ZFP1: variants seen among roughly 807,000 people sequenced by gnomAD.
The protein encoded by ZFP1 is ZFP1 zinc finger protein, also known as zinc finger protein 1 homolog.
A neutral mutation model predicts 38.5 loss-of-function variants in ZFP1; 32 were observed. The ratio of observed to expected loss-of-function variants is 0.83; its 90% CI spans 0.63 to 1.12. ZFP1 has a LOEUF of 1.12. ZFP1 is among the 50% of genes most tolerant of loss of function. ZFP1 has a pLI of 0.00. For missense variants in ZFP1, 616 were observed against 480.8 expected, an observed-to-expected ratio of 1.28 and a Z score of -2.63; for synonymous variants, 245 against 168.8, an observed-to-expected ratio of 1.45 and a Z score of -3.50.
At chr16:75,123,378 A>G in the ZFP1 span, among the ~76,000 whole-genome samples, 1 of 147,144 alleles carries the variant, frequency 6.8e-6, no homozygotes, top group African/African-American at 2.5e-5. Context: ...ATATATATAT[A>G]TATGTGTATA....
In ZFP1 at chr16:75,169,340, C is replaced by A. The variant is rs1339028963; in HGVS notation, c.230C>A (p.Thr77Asn). 1 of 1,613,994 alleles carries A rather than the reference C, an allele frequency of 6.2e-7. No individual in the cohort carries two copies. Among genetic ancestry groups the A allele is most frequent in the Non-Finnish European group, 8.5e-7 (1 of 1,180,010 alleles). ...CAATTTTTAATTCTTAAGAACCAAA[C>A]CCCAATTGAGGAAAGAGGCGATCTC... ...ARQFLILKNQ[T>N]PIEERGDLFG... Residue 77 changes from threonine to asparagine, a missense_variant, in exon 4 of 4, where the codon ACC (threonine) becomes AAC (asparagine). By Grantham distance (65) the Thr-to-Asn change is moderately conservative. Transcript: ENST00000570010.
upstream of ZFP1, among the ~76,000 whole-genome samples, chr16:75,146,318 A>G (rs2036943659): frequency 6.6e-6 from 1 of 152,052 alleles, no homozygotes; most frequent in Non-Finnish European, 1.5e-5. Context: ...GCCCGCCACC[A>G]CGCCCGGCTA....
At chr16:75,159,245 T>G (rs1322971577) in intron 2 of ZFP1, among the ~76,000 whole-genome samples, 1 of 150,214 alleles carries the variant, frequency 6.7e-6, no homozygotes, top group Non-Finnish European at 1.5e-5. Flanking sequence ...CTTCCTTCCC[T>G]TCCCTTCCCT....
At chr16:75,167,506 T>C (rs1034782442) in intron 3 of ZFP1, among the ~76,000 whole-genome samples, 11 of 152,192 alleles carry the variant, frequency 7.2e-5, no homozygotes, top group African/African-American at 2.7e-4. Context: ...TACCATTCTT[T>C]TCCAGTCCAC....
At chr16:75,132,158 C>T in the ZFP1 span, among the ~76,000 whole-genome samples, 22 of 151,952 alleles carry the variant, frequency 1.4e-4, no homozygotes, top group African/African-American at 2.2e-4. Flanking sequence ...GAAGCCAAGG[C>T]GGGGAGATCA....
chr16:75,134,343 A>G, the ZFP1 span, among the ~76,000 whole-genome samples: 1 of 152,140 alleles, frequency 6.6e-6, no homozygotes, highest in African/African-American at 2.4e-5. Flanking sequence ...AATTTTGTGA[A>G]ATTTGGCTTC....
chr16:75,164,446 T>C (rs1567535893), intron 2 of ZFP1, among the ~76,000 whole-genome samples: 1 of 152,270 alleles, frequency 6.6e-6, no homozygotes, highest in Non-Finnish European at 1.5e-5. Context: ...AGAAATTAGT[T>C]TAAAACAACT....
chr16:75,153,603 C>T (rs943060893), intron 2 of ZFP1, among the ~76,000 whole-genome samples: 4 of 152,018 alleles, frequency 2.6e-5, no homozygotes, highest in Non-Finnish European at 4.4e-5. Flanking sequence ...GCAGTGTGTT[C>T]CCATATACCC....
chr16:75,144,999 T>G (rs1228409196), upstream of ZFP1, among the ~76,000 whole-genome samples: 2 of 152,178 alleles, frequency 1.3e-5, no homozygotes, highest in African/African-American at 4.8e-5. Flanking sequence ...CCAGCTTGGC[T>G]TATTTCACTT....
chr16:75,123,156 C>T, the ZFP1 span, among the ~76,000 whole-genome samples: 614 of 151,468 alleles, frequency 4.1e-3, 3 homozygotes, highest in Non-Finnish European at 6.9e-3. Context: ...AAGTTTGAGA[C>T]CAGCCTGGCC....
At chr16:75,161,594 A>G (rs928318257) in intron 2 of ZFP1, among the ~76,000 whole-genome samples, 1 of 150,560 alleles carries the variant, frequency 6.6e-6, no homozygotes, top group Non-Finnish European at 1.5e-5. Context: ...GAAGGCTTTC[A>G]GTCTTCTTAC....
In ZFP1 at chr16:75,170,105, C is replaced by T. The variant is rs934174149; in HGVS notation, c.995C>T (p.Ser332Phe). Residue 332 changes from serine (S) to phenylalanine (F), a missense_variant, in exon 4 of 4, where the codon TCC becomes TTC. Transcript: ENST00000570010. ...KRYECSECGKSFIQNSQLIIH... is the reference protein window; with the variant it reads ...KRYECSECGKFFIQNSQLIIH... ...TATGAGTGCAGTGAATGTGGAAAATCCTTTATCCAGAACTCACAGCTCATC... is the reference window on the plus strand; with the variant it reads ...TATGAGTGCAGTGAATGTGGAAAATTCTTTATCCAGAACTCACAGCTCATC... 1.2e-6 allele frequency: 2 copies of T among 1,613,838 alleles called. No individual in the cohort carries two copies. Among genetic ancestry groups the T allele is most frequent in the East Asian group, 2.2e-5 (1 of 44,896 alleles).
intron 1 of ZFP1, chr16:75,148,928 G>C (rs2037028113): frequency 6.6e-6 from 1 of 152,046 alleles, no homozygotes; most frequent in Non-Finnish European, 1.5e-5. Context: ...GGCGGCGAAG[G>C]GCTCGGGCCG....
chr16:75,132,817 T>A, the ZFP1 span, among the ~76,000 whole-genome samples: 1 of 150,730 alleles, frequency 6.6e-6, no homozygotes, highest in Non-Finnish European at 1.5e-5. Context: ...CCACCACACA[T>A]GGCTAGTATT....
At chr16:75,141,528 T>C in the ZFP1 span, among the ~76,000 whole-genome samples, 1 of 151,948 alleles carries the variant, frequency 6.6e-6, no homozygotes, top group Non-Finnish European at 1.5e-5. Flanking sequence ...TCTTGTCATA[T>C]CCAACTAAAT....
the ZFP1 span, among the ~76,000 whole-genome samples, chr16:75,138,024 C>CTTTTTTTTT: frequency 3.8e-4 from 25 of 64,974 alleles, 5 homozygotes; most frequent in African/African-American, 1.7e-3. Flanking sequence ...CTCCCACTTC[C>CTTTTTTTTT]TTTTTTTTTT....
chr16:75,137,587 C>T, the ZFP1 span, among the ~76,000 whole-genome samples: 61 of 146,162 alleles, frequency 4.2e-4, no homozygotes, highest in African/African-American at 1.3e-3. Context: ...CCTCAGTCTC[C>T]TGAGTAGCTG....
chr16:75,124,456 G>A, the ZFP1 span, among the ~76,000 whole-genome samples: 2,204 of 141,934 alleles, frequency 0.016, 36 homozygotes, highest in African/African-American at 0.042. Context: ...CACCACGCCC[G>A]GCTTCAAAGC....
chr16:75,130,948 C>T, the ZFP1 span, among the ~76,000 whole-genome samples: 1 of 152,062 alleles, frequency 6.6e-6, no homozygotes, highest in African/African-American at 2.4e-5. Flanking sequence ...CTGCTGTGCC[C>T]TGCTGACCTC....
Sources: gnomAD v4.1 joint callset for allele counts (sites outside exome capture counted in the v4.1 genomes callset) on GRCh38, gnomAD v4.1.1 for gene constraint, MANE v1.5 for transcripts, NCBI Gene and HGNC (gene_info 2026-07-23, HGNC 2026-07-21) for gene names.